Variants in IL1RAPL1 observed in about 807,000 individuals in gnomAD.
IL1RAPL1 encodes the protein interleukin 1 receptor accessory protein like 1, also known as interleukin-1 receptor accessory protein-like 1.
In IL1RAPL1, 3 loss-of-function variants were observed where a neutral mutation model predicts 48.4. The ratio of observed to expected loss-of-function variants is 0.06; its 90% CI spans 0.03 to 0.16. IL1RAPL1 has a LOEUF of 0.16. Ranked by LOEUF, IL1RAPL1 falls within the 10% of genes least tolerant of loss-of-function variation. IL1RAPL1 has a pLI of 1.00. For missense variants in IL1RAPL1, 349 were observed against 530.6 expected (o/e 0.66, Z 3.36); for synonymous variants, 185 against 187.7 (o/e 0.99, Z 0.12).
chrX:28,715,082 A>T (rs1390484072), intron 1 of IL1RAPL1, among the ~76,000 whole-genome samples: 1 of 112,376 alleles, frequency 8.9e-6, no homozygotes, highest in Non-Finnish European at 1.9e-5. Context: ...ACCCAAAAAC[A>T]ATAGAATATA....
intron 2 of IL1RAPL1, among the ~76,000 whole-genome samples, chrX:28,884,698 G>A (rs758930402): frequency 4.5e-5 from 5 of 111,019 alleles, no homozygotes; most frequent in Admixed American, 2.9e-4. Flanking sequence ...AAACTAACAT[G>A]CATTGTTTCA....
chrX:29,167,257 A>G (rs1242577816), intron 2 of IL1RAPL1, among the ~76,000 whole-genome samples: 1 of 110,203 alleles, frequency 9.1e-6, no homozygotes, highest in Non-Finnish European at 1.9e-5. Flanking sequence ...ATATAGTGAT[A>G]AATGTAGAGA....
In IL1RAPL1 at chrX:29,198,788, T is replaced by TAA. The variant is rs781224358; in HGVS notation, c.83-84150_83-84149insAA. Among the ~76,000 whole-genome samples, 12 of 111,705 alleles carry TAA rather than the reference T, an allele frequency of 1.1e-4. No individual in the cohort carries two copies. In the Admixed American group the frequency reaches 1.1e-3, roughly 11 times the overall value. On this transcript the variant is annotated intron_variant, in intron 2 of 10. Transcript: ENST00000378993. ...ATAGAATGCAAGACCCAACAAGTTATCCACTGAAACGAAATCTCTTGGTGT... is the reference window on the plus strand; with the variant it reads ...ATAGAATGCAAGACCCAACAAGTTATAACCACTGAAACGAAATCTCTTGGTGT...
In IL1RAPL1 at chrX:29,449,780, C is replaced by CACACACAGAGAGAGAG. The variant is rs557765024; in HGVS notation, c.703+50473_703+50474insCACACAGAGAGAGAGA. 7.7e-3 allele frequency among the ~76,000 whole-genome samples: 446 copies of CACACACAGAGAGAGAG among 58,187 alleles called. 9 individuals are homozygous for CACACACAGAGAGAGAG. Among genetic ancestry groups the CACACACAGAGAGAGAG allele is most frequent in the African/African-American group, 0.021 (277 of 13,400 alleles). 50.5% of individuals were successfully genotyped at this position (58,187 alleles called of 115,157 possible). On this transcript the variant is annotated intron_variant, in intron 5 of 10. Transcript: ENST00000378993. ...ACACACACACACACACACACACACACAGAGAGAGAGAGAGAGAGAATATAA... is the reference window on the plus strand; with the variant it reads ...ACACACACACACACACACACACACACACACACAGAGAGAGAGAGAGAGAGAGAGAGAGAGAATATAA...
chrX:29,683,701 G>A (rs1926531598), intron 6 of IL1RAPL1, among the ~76,000 whole-genome samples: 1 of 111,921 alleles, frequency 8.9e-6, no homozygotes, highest in Admixed American at 9.5e-5. Flanking sequence ...TAACCTTCCT[G>A]TAATATTTAA....
chrX:29,034,207 ATTATT>A (rs1409092128), intron 2 of IL1RAPL1, among the ~76,000 whole-genome samples: 8 of 111,725 alleles, frequency 7.2e-5, no homozygotes, highest in Non-Finnish European at 1.5e-4. Context: ...GATATTTATG[ATTATT>A]TTATTTTCTA....
At chrX:29,737,156 G>A (rs1442401881) in intron 6 of IL1RAPL1, among the ~76,000 whole-genome samples, 2 of 112,233 alleles carry the variant, frequency 1.8e-5, no homozygotes, top group African/African-American at 6.5e-5. Context: ...TTTTTATTTA[G>A]TGCATATTTT....
intron 5 of IL1RAPL1, among the ~76,000 whole-genome samples, chrX:29,633,636 A>T (rs966870170): frequency 2.7e-5 from 3 of 111,424 alleles, no homozygotes; most frequent in Non-Finnish European, 5.7e-5. Flanking sequence ...TGATGGCCAG[A>T]AGTCTGAAAT....
intron 6 of IL1RAPL1, among the ~76,000 whole-genome samples, chrX:29,766,710 ATATATG>A: frequency 4.2e-5 from 4 of 95,177 alleles, no homozygotes; most frequent in African/African-American, 1.6e-4. Context: ...ATAATATATA[ATATATG>A]ATATAAACAA....
intron 2 of IL1RAPL1, among the ~76,000 whole-genome samples, chrX:28,948,769 T>C (rs922148249): frequency 9.0e-6 from 1 of 111,226 alleles, no homozygotes; most frequent in Non-Finnish European, 1.9e-5. Context: ...CAGTGGATGC[T>C]TGAAACCACA....
intron 5 of IL1RAPL1, among the ~76,000 whole-genome samples, chrX:29,632,552 A>C (rs922065514): frequency 3.0e-4 from 34 of 111,971 alleles, no homozygotes; most frequent in African/African-American, 9.7e-4. Context: ...AAAATGTTTT[A>C]TGTTCATAAG....
rs1210417673 is a variant in IL1RAPL1 at position 29,802,747 on chromosome X, T to TTATATATA, written c.779-114689_779-114682dup. Reference sequence around the variant, plus strand: ...AGCTATGAGGTCTCTGAGGAAAAAATTATATATATATATATATATATATAT... The same window carrying TTATATATA: ...AGCTATGAGGTCTCTGAGGAAAAAATTATATATATATATATATATATATATATATATAT... On this transcript the variant is annotated intron_variant, in intron 6 of 10. Transcript: ENST00000378993. Among the ~76,000 whole-genome samples, 305 of 36,146 alleles carry TTATATATA rather than the reference T, an allele frequency of 8.4e-3. 3 individuals are homozygous for TTATATATA. Among genetic ancestry groups the TTATATATA allele is most frequent in the Admixed American group, 0.017 (43 of 2,466 alleles). The allele number at this position is 36,146 out of a possible 115,157, so 31.4% of individuals were successfully genotyped here.
chrX:29,148,203 C>T (rs750068605), intron 2 of IL1RAPL1, among the ~76,000 whole-genome samples: 1 of 111,830 alleles, frequency 8.9e-6, no homozygotes, highest in Non-Finnish European at 1.9e-5. Flanking sequence ...GATATACTCT[C>T]TAGATGTTAT....
At chrX:29,379,195 C>A (rs1210524312) in intron 3 of IL1RAPL1, among the ~76,000 whole-genome samples, 1 of 112,628 alleles carries the variant, frequency 8.9e-6, no homozygotes, top group Non-Finnish European at 1.9e-5. Flanking sequence ...TGAATGTACT[C>A]AGGTGAAGCA....
intron 5 of IL1RAPL1, among the ~76,000 whole-genome samples, chrX:29,623,800 G>A (rs1180059691): frequency 3.6e-5 from 4 of 111,904 alleles, no homozygotes; most frequent in Non-Finnish European, 5.6e-5. Flanking sequence ...CACGTGCATC[G>A]CCTCTGAGCT....
chrX:29,088,767 G>C (rs767585302), intron 2 of IL1RAPL1, among the ~76,000 whole-genome samples: 1 of 107,369 alleles, frequency 9.3e-6, no homozygotes, highest in Non-Finnish European at 1.9e-5. Context: ...AAATAACTAC[G>C]AACTAACACA....
chrX:28,947,541 C>T (rs927657533), intron 2 of IL1RAPL1, among the ~76,000 whole-genome samples: 6 of 109,624 alleles, frequency 5.5e-5, no homozygotes, highest in Non-Finnish European at 1.1e-4. Context: ...CATCACACAC[C>T]GGGGCCTGTC....
At chrX:29,748,807 T>C (rs1928393783) in intron 6 of IL1RAPL1, among the ~76,000 whole-genome samples, 1 of 104,949 alleles carries the variant, frequency 9.5e-6, no homozygotes, top group Non-Finnish European at 1.9e-5. Flanking sequence ...AAAGGACATA[T>C]AGTGAGCAAA....
chrX:29,635,705 A>G (rs904321994), intron 5 of IL1RAPL1, among the ~76,000 whole-genome samples: 2 of 110,782 alleles, frequency 1.8e-5, no homozygotes, highest in African/African-American at 3.3e-5. Flanking sequence ...AACAGAGAAA[A>G]CAGAAACAGA....
Sources: gnomAD v4.1 joint callset for allele counts (sites outside exome capture counted in the v4.1 genomes callset) on GRCh38, gnomAD v4.1.1 for gene constraint, MANE v1.5 for transcripts, NCBI Gene and HGNC (gene_info 2026-07-23, HGNC 2026-07-21) for gene names.